The following PCDHGB4 variants were observed in gnomAD, a reference collection of about 807,000 sequenced individuals.
PCDHGB4 encodes protocadherin gamma subfamily B, 4.
Under a neutral mutation model 60.5 loss-of-function variants are expected in PCDHGB4, and 38 were observed. The observed-to-expected ratio is 0.63, with a 90% CI of 0.48 to 0.82. PCDHGB4 has a LOEUF of 0.82. Ranked by LOEUF, PCDHGB4 falls within the 40% of genes least tolerant of loss-of-function variation. The pLI is 0.00. For synonymous variants in PCDHGB4, 456 were observed against 509.7 expected (o/e 0.89, Z 1.42); for missense variants, 1,109 against 1,209.6 (o/e 0.92, Z 1.23).
Position 141,431,349 on chromosome 5 carries a change from A to G in PCDHGB4, c.2397+41068A>G. 1.2e-6 allele frequency: 2 copies of G among 1,614,026 alleles called. No individual in the cohort carries two copies. The highest frequency in any genetic ancestry group is 4.5e-5 in the East Asian group (2 of 44,874). On this transcript the variant is annotated intron_variant, in intron 1 of 3. Coordinates refer to ENST00000519479, the MANE Select transcript of PCDHGB4 (RefSeq NM_003736.4). This position sits in a 1 kb window ranked among gnomAD's most constrained non-coding sequence, Gnocchi z 4.8. ...AGTAAGTACCCCGAATTGGTGCTGAAACGCGCCCTGGACCGCGAAGAAAAG... is the reference window on the plus strand; with the variant it reads ...AGTAAGTACCCCGAATTGGTGCTGAGACGCGCCCTGGACCGCGAAGAAAAG...
chr5:141,441,789 A>G (rs889545483), intron 1 of PCDHGB4: 4 of 391,886 alleles, frequency 1.0e-5, no homozygotes, highest in Middle Eastern at 6.4e-4. Context: ...CCTGAATGAC[A>G]ACGCACCGCG....
At chr5:141,499,289 C>T in intron 2 of PCDHGB4, among the ~76,000 whole-genome samples, 1 of 152,212 alleles carries the variant, frequency 6.6e-6, no homozygotes, top group African/African-American at 2.4e-5. Context: ...GATGGCTCCA[C>T]ACTACCATCC....
rs552257647 is a variant in PCDHGB4 at position 141,389,615 on chromosome 5, G to T, written c.1731G>T (p.Pro577=). The T allele has an allele frequency of 4.3e-6, 7 of 1,612,854 alleles. No homozygotes were observed. In the African/African-American group the frequency reaches 8.0e-5, roughly 18 times the overall value. The change falls in exon 1 of 4, where the codon CCG becomes CCT. Residue 577 remains proline (P), a synonymous_variant. Transcript: ENST00000519479. The stretch of plus-strand genomic sequence containing the variant: ...GCTCTGCGCTCTTCGATATGGTGCC[G>T]CACGCTGCAGAGCCTGGCTACTTGG... ...PDGSALFDMV[P]HAAEPGYLVT... is the part of the protein sequence containing the mutation.
In PCDHGB4 at chr5:141,448,944, C is replaced by CAAAA. The variant is rs560691811; in HGVS notation, c.2398-45859_2398-45856dup. Among the ~76,000 whole-genome samples, 218 of 152,004 alleles carry CAAAA rather than the reference C, an allele frequency of 1.4e-3. 1 individual carries two copies. The highest frequency in any genetic ancestry group is 5.1e-3 in the African/African-American group (213 of 41,464). On this transcript the variant is annotated intron_variant, in intron 1 of 3. Coordinates refer to ENST00000519479, the MANE Select transcript of PCDHGB4 (RefSeq NM_003736.4). ...TGGGCGACAGAGCAAGACTGCAACTCAAAAAAACAAACAAACAAACAAAAA... is the reference window on the plus strand; with the variant it reads ...TGGGCGACAGAGCAAGACTGCAACTCAAAAAAAAAAACAAACAAACAAACAAAAA...
intron 1 of PCDHGB4, chr5:141,418,770 A>G: frequency 6.2e-7 from 1 of 1,613,892 alleles, no homozygotes; most frequent in Non-Finnish European, 8.5e-7. Context: ...ATTCTAACTC[A>G]GCAGCCTTTG....
chr5:141,420,313 C>A, intron 1 of PCDHGB4: 1 of 1,434,874 alleles, frequency 7.0e-7, no homozygotes, highest in Non-Finnish European at 9.4e-7. Flanking sequence ...TTTTATATTA[C>A]AATATGCCAA....
Position 141,486,589 on chromosome 5 carries a change from C to T in PCDHGB4, c.2398-8218C>T. On this transcript the variant is annotated intron_variant, in intron 1 of 3. Transcript: ENST00000519479. The surrounding 1 kb of genome is among the most constrained non-coding windows in gnomAD (Gnocchi z 5.0). ...TTCCTGAGAACAATCGCCCAGGGGA[C>T]CTGCTTTGCTCCCTTGCAGCCTCTG... 1 of 1,613,676 alleles carries T rather than the reference C, an allele frequency of 6.2e-7. No individual in the cohort carries two copies. Among genetic ancestry groups the T allele is most frequent in the African/African-American group, 1.3e-5 (1 of 75,064 alleles).
At chr5:141,404,371 C>T in intron 1 of PCDHGB4, 2 of 1,613,892 alleles carry the variant, frequency 1.2e-6, no homozygotes, top group Non-Finnish European at 1.7e-6. Flanking sequence ...CCATCTTCTC[C>T]GTGATTGCCT....
chr5:141,396,951 A>G (rs1444720599), intron 1 of PCDHGB4, among the ~76,000 whole-genome samples: 1 of 152,210 alleles, frequency 6.6e-6, no homozygotes, highest in African/African-American at 2.4e-5. Flanking sequence ...TAGGAAAGAA[A>G]ATCCTTACTC....
chr5:141,489,491 T>C lies in PCDHGB4; in HGVS notation c.2398-5316T>C. On this transcript the variant is annotated intron_variant, in intron 1 of 3. Transcript: ENST00000519479. This position sits in a 1 kb window ranked among gnomAD's most constrained non-coding sequence, Gnocchi z 4.5. ...TCCCTGAGCTTGATGAGTGGTGCCC[T>C]GGCAGTGAATCAAAAGATTGACCGA... The C allele has an allele frequency of 6.2e-7, 1 of 1,614,066 alleles. No individual in the cohort carries two copies. The highest frequency in any genetic ancestry group is 8.5e-7 in the Non-Finnish European group (1 of 1,180,024).
chr5:141,390,429 T>C lies in PCDHGB4; in HGVS notation c.2397+148T>C, dbSNP rs2092145009. On this transcript the variant is annotated intron_variant, in intron 1 of 3. Transcript: ENST00000519479. ...GTTGTAGTCAGTTAAAAAGCTGTCA[T>C]ATCATTCTACAAAGGAGGAGTAAAG... The C allele has an allele frequency of 6.0e-6, 6 of 1,008,304 alleles. No homozygotes were observed. The South Asian group carries it at 6.8e-5, about 11-fold the overall frequency. The allele number at this position is 1,008,304 out of a possible 1,614,324, so 62.5% of individuals were successfully genotyped here. A position where few individuals can be genotyped will look rare whatever the true frequency, so the allele number is the denominator to read the frequency against.
Position 141,476,974 on chromosome 5 carries a change from C to G in PCDHGB4, c.2398-17833C>G. 1 of 1,614,268 alleles carries G rather than the reference C, an allele frequency of 6.2e-7. No homozygotes were observed. The highest frequency in any genetic ancestry group is 1.3e-5 in the African/African-American group (1 of 75,080). On this transcript the variant is annotated intron_variant, in intron 1 of 3. Coordinates refer to ENST00000519479, the MANE Select transcript of PCDHGB4 (RefSeq NM_003736.4). This position sits in a 1 kb window ranked among gnomAD's most constrained non-coding sequence, Gnocchi z 7.6. ...AAATTATTTACTCCTTCGGCAGCCA[C>G]AACCGCGCCGGCGTGCGGCAACTAT...
chr5:141,419,734 G>A, intron 1 of PCDHGB4: 2 of 1,613,792 alleles, frequency 1.2e-6, no homozygotes, highest in Non-Finnish European at 1.7e-6. Context: ...GAACAGGCGA[G>A]GTGCGCATGG....
rs763433178 is a variant in PCDHGB4, at chr5:141,409,635, A to G, written c.2397+19354A>G. On this transcript the variant is annotated intron_variant, in intron 1 of 3. Transcript: ENST00000519479. ...TCCATTGCGCAAGTGAGCGCCTCTG[A>G]CCCGGATTTGGGGCTCAATGGCCAC... 3 of 1,613,784 alleles carry G rather than the reference A, an allele frequency of 1.9e-6. No individual in the cohort carries two copies. The South Asian group carries it at 3.3e-5, about 18-fold the overall frequency.
Position 141,491,482 on chromosome 5 carries a change from A to G in PCDHGB4, c.2398-3325A>G. On this transcript the variant is annotated intron_variant, in intron 1 of 3. Coordinates refer to ENST00000519479, the MANE Select transcript of PCDHGB4 (RefSeq NM_003736.4). The surrounding 1 kb of genome is among the most constrained non-coding windows in gnomAD (Gnocchi z 6.9). Reference sequence around the variant, plus strand: ...GGACTTCTATAAGCAGTCCAGCCCCAACCTGCAGGTGAGCTCGGACGGCAC... The same window carrying G: ...GGACTTCTATAAGCAGTCCAGCCCCGACCTGCAGGTGAGCTCGGACGGCAC... 1 of 1,614,088 alleles carries G rather than the reference A, an allele frequency of 6.2e-7. No individual in the cohort carries two copies. The highest frequency in any genetic ancestry group is 8.5e-7 in the Non-Finnish European group (1 of 1,180,006).
intron 1 of PCDHGB4, chr5:141,478,906 C>T: frequency 1.1e-6 from 1 of 906,534 alleles, no homozygotes; most frequent in Non-Finnish European, 1.6e-6. Context: ...GAATAAGCTG[C>T]TGGATACCTC....
chr5:141,410,420 C>T (rs1426515605), intron 1 of PCDHGB4: 4 of 1,613,926 alleles, frequency 2.5e-6, no homozygotes, highest in Non-Finnish European at 3.4e-6. Flanking sequence ...ACCTGTAGTT[C>T]CCCCCAACTA....
chr5:141,489,405 G>A lies in PCDHGB4; in HGVS notation c.2398-5402G>A. ...ATGTTGCTCAGGATCTGGGCTTAAA[G>A]ATGACAGATCTGTTGAGCCGGCGGC... On this transcript the variant is annotated intron_variant, in intron 1 of 3. Transcript: ENST00000519479. This position sits in a 1 kb window ranked among gnomAD's most constrained non-coding sequence, Gnocchi z 4.5. The A allele has an allele frequency of 1.2e-6, 2 of 1,614,204 alleles. No individual in the cohort carries two copies. The highest frequency in any genetic ancestry group is 2.2e-5 in the South Asian group (2 of 91,088).
chr5:141,400,776 G>A (rs1461818790), intron 1 of PCDHGB4: 9 of 557,602 alleles, frequency 1.6e-5, no homozygotes, highest in Middle Eastern at 4.6e-4. Context: ...CATTTGGTGC[G>A]TTTTTTTGTC....
Sources: allele counts gnomAD v4.1 joint callset (sites outside exome capture counted in the v4.1 genomes callset), GRCh38; gene constraint gnomAD v4.1.1; non-coding constraint Gnocchi (gnomAD v3.1); transcripts MANE v1.5; gene names NCBI Gene and HGNC (gene_info 2026-07-23, HGNC 2026-07-21).